SORBS2: variants seen among roughly 807,000 people sequenced by gnomAD.
SORBS2 encodes the protein sorbin and SH3 domain-containing protein 2.
Under a neutral mutation model 97.7 loss-of-function variants are expected in SORBS2, and 46 were observed. The observed-to-expected ratio is 0.47, with a 90% CI of 0.37 to 0.60. SORBS2 has a LOEUF of 0.60. SORBS2 is among the 20% of genes least tolerant of loss of function. The pLI is 0.00. For missense variants in SORBS2, 1,316 were observed against 1,282.3 expected, an observed-to-expected ratio of 1.03 and a Z score of -0.40; for synonymous variants, 476 against 473.4, an observed-to-expected ratio of 1.01 and a Z score of -0.07.
intron 12 of SORBS2, among the ~76,000 whole-genome samples, chr4:185,596,783 T>G (rs539647101): frequency 6.6e-4 from 101 of 152,224 alleles, no homozygotes; most frequent in Non-Finnish European, 8.5e-4. Context: ...TCTTCCCGCC[T>G]TGGCCTCCTA....
At chr4:185,674,710 C>G (rs973612288) in intron 4 of SORBS2, among the ~76,000 whole-genome samples, 1 of 152,084 alleles carries the variant, frequency 6.6e-6, no homozygotes, top group African/African-American at 2.4e-5. Flanking sequence ...CTCTCCCTCC[C>G]TCAGGCTTCC....
chr4:185,711,126 C>T (rs576778698), intron 2 of SORBS2, among the ~76,000 whole-genome samples: 10 of 136,554 alleles, frequency 7.3e-5, no homozygotes, highest in African/African-American at 2.3e-4. Context: ...TACACCATCA[C>T]ACTCAGCAAA....
chr4:185,638,310 GAAGTA>G, intron 4 of SORBS2, 148 bp from the exon 15 acceptor site: 1 of 639,576 alleles, frequency 1.6e-6, no homozygotes, highest in Admixed American at 2.4e-5. Flanking sequence ...GAGAACGGAG[GAAGTA>G]AAGTAAAACG....
chr4:185,897,462 A>G (rs2099245598), intron 1 of SORBS2, among the ~76,000 whole-genome samples: 1 of 152,324 alleles, frequency 6.6e-6, no homozygotes, highest in East Asian at 1.9e-4. Flanking sequence ...AAACCTAAGC[A>G]TAAAAATGGA....
At chr4:185,912,415 T>A (rs1034486150) in intron 1 of SORBS2, among the ~76,000 whole-genome samples, 2 of 151,464 alleles carry the variant, frequency 1.3e-5, no homozygotes, top group Non-Finnish European at 2.9e-5. Context: ...TGAAACCCCG[T>A]CTCTACTAAA....
intron 2 of SORBS2, among the ~76,000 whole-genome samples, chr4:185,748,046 C>T (rs1402417666): frequency 6.6e-6 from 1 of 152,024 alleles, no homozygotes; most frequent in Non-Finnish European, 1.5e-5. Context: ...CTCCCTGGCT[C>T]ATTTTAAGCT....
In SORBS2 at chr4:185,649,662, A is replaced by G. The variant is rs2097276481; in HGVS notation, c.92-6T>C. ...GTAGGGTGGGTTGTACAGACCTATC[A>G]TGACAAAAAACAAAAGCAGACAAAA... is the stretch of plus-strand genomic sequence containing the variant. On this transcript the variant is annotated splice_region_variant and splice_polypyrimidine_tract_variant and intron_variant, in intron 2 of 14. Coordinates refer to ENST00000418609, the Ensembl canonical transcript of SORBS2. 1 of 1,365,516 alleles carries G rather than the reference A, an allele frequency of 7.3e-7. No homozygotes were observed. 84.6% of individuals were successfully genotyped at this position (1,365,516 alleles called of 1,614,324 possible).
chr4:185,627,036 G>T lies in SORBS2; in HGVS notation c.447-17C>A. The T allele has an allele frequency of 1.2e-6, 2 of 1,612,658 alleles. No homozygotes were observed. The highest frequency in any genetic ancestry group is 1.7e-6 in the Non-Finnish European group (2 of 1,179,224). On this transcript the variant is annotated splice_polypyrimidine_tract_variant and intron_variant, in intron 5 of 14. Coordinates refer to ENST00000418609, the Ensembl canonical transcript of SORBS2. ...CTTGCAGAACTGAAAGAAGGAATCAGATCTGTTTGATTGGCACTGGAGGAG... is the reference window on the plus strand; with the variant it reads ...CTTGCAGAACTGAAAGAAGGAATCATATCTGTTTGATTGGCACTGGAGGAG...
chr4:185,619,701 C>A (rs960061846), intron 8 of SORBS2, among the ~76,000 whole-genome samples: 10 of 152,212 alleles, frequency 6.6e-5, no homozygotes, highest in Non-Finnish European at 1.3e-4. Context: ...TGACATCAGG[C>A]TTTCTCCTGG....
In SORBS2 at chr4:185,817,460, G is replaced by C. The variant is rs575450082; in HGVS notation, c.-337-42094C>G. Among the ~76,000 whole-genome samples, 113 of 152,302 alleles carry C rather than the reference G, an allele frequency of 7.4e-4. 1 individual carries two copies. The highest frequency in any genetic ancestry group is 9.0e-4 in the Non-Finnish European group (61 of 68,026). On this transcript the variant is annotated intron_variant, in intron 1 of 20. Transcript: ENST00000284776. Reference sequence around the variant, plus strand: ...GAAAGAGAGGGCTGGCTGCTTTCATGCTCCTGTGAGGGGCCACACTTTGTT... The same window carrying C: ...GAAAGAGAGGGCTGGCTGCTTTCATCCTCCTGTGAGGGGCCACACTTTGTT...
At chr4:185,647,864 CATAT>C (rs1256639427) in intron 3 of SORBS2, among the ~76,000 whole-genome samples, 1 of 152,108 alleles carries the variant, frequency 6.6e-6, no homozygotes, top group Non-Finnish European at 1.5e-5. Flanking sequence ...AGGAGGTTAT[CATAT>C]GTTTTAATGA....
intron 1 of SORBS2, among the ~76,000 whole-genome samples, chr4:185,653,008 T>C (rs1487722251): frequency 6.6e-6 from 1 of 152,246 alleles, no homozygotes; most frequent in South Asian, 2.1e-4. Flanking sequence ...CACTAGAGAG[T>C]TGATATTTGC....
intron 2 of SORBS2, among the ~76,000 whole-genome samples, chr4:185,707,154 TA>T (rs1364063480): frequency 5.3e-5 from 8 of 152,338 alleles, no homozygotes; most frequent in African/African-American, 1.9e-4. Context: ...ACACATATAT[TA>T]ATTGACCTGA....
chr4:185,942,918 G>A (rs1468334227), intron 1 of SORBS2, among the ~76,000 whole-genome samples: 2 of 152,160 alleles, frequency 1.3e-5, no homozygotes, highest in East Asian at 1.9e-4. Flanking sequence ...GTTTCTGAGA[G>A]TGTGACTGAA....
chr4:185,628,990 A>G (rs2096862504), intron 5 of SORBS2, among the ~76,000 whole-genome samples: 1 of 152,224 alleles, frequency 6.6e-6, no homozygotes, highest in South Asian at 2.1e-4. Flanking sequence ...GACAACAGTG[A>G]TAATAGCAAC....
intron 2 of SORBS2, among the ~76,000 whole-genome samples, chr4:185,741,996 T>G (rs558322315): frequency 2.6e-4 from 40 of 152,334 alleles, no homozygotes; most frequent in African/African-American, 9.4e-4. Context: ...CTGCCAAGGC[T>G]GGAGGCCCTC....
rs572753386 is a variant in SORBS2 at position 185,952,354 on chromosome 4, C to T, written c.-338+3842G>A. ...AATAGCTTTTTATAGTGGCCCTTCA[C>T]CTCCAGGTGTTTGCATTTCAGTGGG... On this transcript the variant is annotated intron_variant, in intron 1 of 20. Coordinates refer to the SORBS2 transcript ENST00000284776. 2.6e-3 allele frequency among the ~76,000 whole-genome samples: 398 copies of T among 152,288 alleles called. 2 individuals are homozygous for T. The highest frequency in any genetic ancestry group is 9.2e-3 in the African/African-American group (383 of 41,564).
chr4:185,870,692 G>C (rs567089573), intron 1 of SORBS2, among the ~76,000 whole-genome samples: 1 of 152,200 alleles, frequency 6.6e-6, no homozygotes, highest in Non-Finnish European at 1.5e-5. Flanking sequence ...AGGGCTGCCC[G>C]GTGAATCCTG....
chr4:185,806,743 C>T (rs958883378), intron 1 of SORBS2, among the ~76,000 whole-genome samples: 98 of 152,252 alleles, frequency 6.4e-4, no homozygotes, highest in Non-Finnish European at 1.4e-3. Flanking sequence ...CAGGCGTGAG[C>T]CACCGCGCCC....
Sources: allele counts gnomAD v4.1 joint callset (sites outside exome capture counted in the v4.1 genomes callset), GRCh38; gene constraint gnomAD v4.1.1; transcripts MANE v1.5; gene names NCBI Gene and HGNC (gene_info 2026-07-23, HGNC 2026-07-21).